ESYT2: variants seen among roughly 807,000 people sequenced by gnomAD.
The protein encoded by ESYT2 is extended synaptotagmin-2.
Under a neutral mutation model 107.2 loss-of-function variants are expected in ESYT2, and 54 were observed. The ratio of observed to expected loss-of-function variants is 0.50; its 90% CI spans 0.40 to 0.63. ESYT2 has a LOEUF of 0.63. Among genes scored for constraint, ESYT2 ranks in the 30% least tolerant of loss-of-function variants. The pLI is 0.00. For synonymous variants in ESYT2, 491 were observed against 434.1 expected (o/e 1.13, Z -1.63); for missense variants, 1,020 against 1,094.5 (o/e 0.93, Z 0.96).
intron 13 of ESYT2, among the ~76,000 whole-genome samples, chr7:158,758,226 T>C (rs1012525192): frequency 4.6e-5 from 7 of 152,234 alleles, no homozygotes; most frequent in African/African-American, 1.4e-4. Context: ...ATATAAGTGA[T>C]CAATCATATC....
intron 4 of ESYT2, among the ~76,000 whole-genome samples, chr7:158,790,625 AT>A (rs552675134): frequency 6.6e-6 from 1 of 152,190 alleles, no homozygotes; most frequent in South Asian, 2.1e-4. Context: ...AAAACACTGT[AT>A]TAAAATACAC....
At chr7:158,766,147 C>A (rs942219331) in intron 8 of ESYT2, among the ~76,000 whole-genome samples, 1 of 151,218 alleles carries the variant, frequency 6.6e-6, no homozygotes, top group Admixed American at 6.6e-5. Context: ...CCAGCCTGGG[C>A]GACAGAGCGA....
At chr7:158,791,985 C>T (rs377763296) in intron 4 of ESYT2, among the ~76,000 whole-genome samples, 19,338 of 151,984 alleles carry the variant, frequency 0.13, 1,382 homozygotes, top group African/African-American at 0.2. Flanking sequence ...TTAGTTTTCT[C>T]CTCCTTAGTT....
At chr7:158,742,366 T>C (rs1410557039) in intron 17 of ESYT2, among the ~76,000 whole-genome samples, 3 of 152,188 alleles carry the variant, frequency 2.0e-5, no homozygotes, top group Admixed American at 1.3e-4. Context: ...CCAGGCCACG[T>C]CTCAGGCAAG....
intron 21 of ESYT2, 80 bp from the exon 22 acceptor site, chr7:158,734,551 G>A (rs913139157): frequency 3.1e-6 from 4 of 1,286,812 alleles, no homozygotes; most frequent in Admixed American, 2.0e-5. Flanking sequence ...CACTTTGGGA[G>A]GCCAAGATGG....
At position 158,761,486 on chromosome 7, in the gene ESYT2, G is replaced by A. The variant is rs777047284; in HGVS notation, c.1233+10C>T. 3.7e-6 allele frequency: 6 copies of A among 1,613,794 alleles called. No homozygotes were observed. The highest frequency in any genetic ancestry group is 1.7e-4 in the Middle Eastern group (1 of 6,060). On this transcript the variant is annotated intron_variant, in intron 11 of 22. Transcript: ENST00000275418. The stretch of plus-strand genomic sequence containing the variant: ...AATTGTAAACAGACCCACACTCCAG[G>A]GAAACTTACTTCATCTAAAAGGCGC...
intron 4 of ESYT2, among the ~76,000 whole-genome samples, chr7:158,791,257 G>A (rs1839281205): frequency 6.6e-6 from 1 of 152,186 alleles, no homozygotes; most frequent in Non-Finnish European, 1.5e-5. Flanking sequence ...GGTCCAGCAT[G>A]TGGCGGCCTG....
intron 11 of ESYT2, among the ~76,000 whole-genome samples, chr7:158,761,096 C>A (rs1027568577): frequency 6.6e-6 from 1 of 152,204 alleles, no homozygotes. Flanking sequence ...GCATCTCTCA[C>A]GTGAGATGCC....
At chr7:158,793,531 T>A (rs1361458893) in intron 4 of ESYT2, 119 bp downstream of exon 4, 2 of 730,622 alleles carry the variant, frequency 2.7e-6, no homozygotes, top group Non-Finnish European at 4.6e-6. Flanking sequence ...AAGAATTTAG[T>A]CGAATTCCAA....
intron 1 of ESYT2, among the ~76,000 whole-genome samples, chr7:158,823,440 C>T (rs1361806443): frequency 1.3e-5 from 2 of 150,526 alleles, no homozygotes; most frequent in African/African-American, 4.9e-5. Context: ...CATTCTCCTG[C>T]CTCAGCCTCC....
intron 6 of ESYT2, among the ~76,000 whole-genome samples, chr7:158,787,405 C>T (rs1839149984): frequency 6.6e-6 from 1 of 152,160 alleles, no homozygotes; most frequent in South Asian, 2.1e-4. Flanking sequence ...TAACATTCAA[C>T]CTGTATATAA....
At chr7:158,823,884 TTA>T (rs1840363169) in intron 1 of ESYT2, among the ~76,000 whole-genome samples, 1 of 152,124 alleles carries the variant, frequency 6.6e-6, no homozygotes. Context: ...ATAAAATATA[TTA>T]TGTTTTAAGT....
At chr7:158,773,540 G>GATGA in intron 6 of ESYT2, 144 bp from the exon 7 acceptor site, 1 of 680,296 alleles carries the variant, frequency 1.5e-6, no homozygotes, top group Non-Finnish European at 2.4e-6. Flanking sequence ...ATATACCAAG[G>GATGA]ACATTTTTCT....
At position 158,789,837 on chromosome 7, in the gene ESYT2, T is replaced by C. The variant is rs549886669; in HGVS notation, c.585-1420A>G. Among the ~76,000 whole-genome samples, 76 of 152,260 alleles carry C rather than the reference T, an allele frequency of 5.0e-4. 1 individual carries two copies. Among genetic ancestry groups the C allele is most frequent in the Admixed American group, 9.8e-4 (15 of 15,306 alleles). ...GCAGCTAACCATGAAACCAGACTGA[T>C]GCGTATTTGTTCAGAGACGTAAATG... On this transcript the variant is annotated intron_variant, in intron 4 of 22. Transcript: ENST00000275418.
intron 9 of ESYT2, among the ~76,000 whole-genome samples, chr7:158,763,848 C>T (rs1159831041): frequency 6.6e-6 from 1 of 152,172 alleles, no homozygotes; most frequent in African/African-American, 2.4e-5. Context: ...TGGCTCCACT[C>T]AGATGCTATC....
intron 1 of ESYT2, among the ~76,000 whole-genome samples, chr7:158,823,492 AATTTTTTGT>A (rs1450706931): frequency 6.6e-6 from 1 of 150,944 alleles, no homozygotes; most frequent in African/African-American, 2.4e-5. Context: ...ACGCCCGGCT[AATTTTTTGT>A]ATTTTTAGTA....
chr7:158,776,149 C>A (rs1158569422), intron 6 of ESYT2, among the ~76,000 whole-genome samples: 2 of 152,170 alleles, frequency 1.3e-5, no homozygotes, highest in East Asian at 3.9e-4. Context: ...AAAAGGTGTG[C>A]TGTCATCCAG....
At chr7:158,800,770 C>A (rs1839617612) in intron 1 of ESYT2, among the ~76,000 whole-genome samples, 1 of 148,818 alleles carries the variant, frequency 6.7e-6, no homozygotes. Flanking sequence ...CCTCTGTCAT[C>A]GACGCTGGAG....
At chr7:158,782,532 T>G (rs1463528479) in intron 6 of ESYT2, among the ~76,000 whole-genome samples, 1 of 39,716 alleles carries the variant, frequency 2.5e-5, no homozygotes, top group Non-Finnish European at 7.4e-5. Context: ...ATAGCGAGTG[T>G]AAGAAAATGA....
Sources: allele counts gnomAD v4.1 joint callset (sites outside exome capture counted in the v4.1 genomes callset), GRCh38; gene constraint gnomAD v4.1.1; transcripts MANE v1.5; gene names NCBI Gene and HGNC (gene_info 2026-07-23, HGNC 2026-07-21).